EDIL3: variants seen among roughly 807,000 people sequenced by gnomAD.
The protein encoded by EDIL3 is EGF like and discoidin domains 3.
A neutral mutation model predicts 67.4 loss-of-function variants in EDIL3; 37 were observed. The observed-to-expected ratio is 0.55, with a 90% CI of 0.42 to 0.72. The LOEUF is 0.72. Among genes scored for constraint, EDIL3 ranks in the 30% least tolerant of loss-of-function variants. EDIL3 has a pLI of 0.00. For synonymous variants in EDIL3, 195 were observed against 196.3 expected (o/e 0.99, Z 0.05); for missense variants, 527 against 586.3 (o/e 0.90, Z 1.04).
chr5:84,366,520 T>A (rs904349657), intron 1 of EDIL3, among the ~76,000 whole-genome samples: 16 of 152,232 alleles, frequency 1.1e-4, no homozygotes, highest in African/African-American at 3.6e-4. Context: ...ATTTCTGTGA[T>A]CTGTTTTGTA....
intron 1 of EDIL3, among the ~76,000 whole-genome samples, chr5:84,315,517 T>C (rs1746491781): frequency 6.6e-6 from 1 of 152,166 alleles, no homozygotes; most frequent in South Asian, 2.1e-4. Flanking sequence ...TAACACCTCA[T>C]TGATTTTAGC....
chr5:84,020,461 A>G (rs950463208), intron 9 of EDIL3, among the ~76,000 whole-genome samples: 28 of 152,090 alleles, frequency 1.8e-4, no homozygotes, highest in African/African-American at 6.8e-4. Flanking sequence ...AGAGAGGGTT[A>G]CATTCAGATT....
intron 10 of EDIL3, among the ~76,000 whole-genome samples, chr5:83,949,905 T>G (rs1461740064): frequency 6.6e-6 from 1 of 151,844 alleles, no homozygotes; most frequent in Non-Finnish European, 1.5e-5. Flanking sequence ...AGATAGCCTA[T>G]GCTAACATTG....
chr5:84,382,346 GC>G (rs1234888983), intron 1 of EDIL3, among the ~76,000 whole-genome samples: 2 of 152,190 alleles, frequency 1.3e-5, no homozygotes, highest in African/African-American at 4.8e-5. Context: ...AGGAGACAGA[GC>G]TCCTGGCTGC....
chr5:84,346,501 TA>T (rs1227957826), intron 1 of EDIL3, among the ~76,000 whole-genome samples: 2 of 152,214 alleles, frequency 1.3e-5, no homozygotes, highest in East Asian at 1.9e-4. Flanking sequence ...CTTGTCAATT[TA>T]ATTTTTATTA....
rs74457737 is a variant in EDIL3 at position 84,044,293 on chromosome 5, C to A, written c.1137+16007G>T. Among the ~76,000 whole-genome samples, 88 of 152,218 alleles carry A rather than the reference C, an allele frequency of 5.8e-4. 1 individual carries two copies. Among genetic ancestry groups the A allele is most frequent in the African/African-American group, 1.8e-3 (74 of 41,538 alleles). On this transcript the variant is annotated intron_variant, in intron 9 of 10. Coordinates refer to ENST00000296591, the MANE Select transcript of EDIL3 (RefSeq NM_005711.5). ...TTAAACAACTCCCTTTCCTACAGGA[C>A]TCTTAAGAGTCTTTACTATGTTAAT... is the stretch of plus-strand genomic sequence containing the variant.
intron 9 of EDIL3, among the ~76,000 whole-genome samples, chr5:83,986,418 T>C (rs181289377): frequency 6.6e-6 from 1 of 152,268 alleles, no homozygotes; most frequent in East Asian, 1.9e-4. Flanking sequence ...TGAACTTCAG[T>C]TCTAAAATGA....
chr5:83,970,221 T>C (rs1177477016), intron 9 of EDIL3, among the ~76,000 whole-genome samples: 1 of 147,804 alleles, frequency 6.8e-6, no homozygotes, highest in Non-Finnish European at 1.5e-5. Flanking sequence ...AAGTGGCATT[T>C]AATTTATATT....
chr5:84,326,753 T>A (rs1208827585), intron 1 of EDIL3, among the ~76,000 whole-genome samples: 1 of 152,000 alleles, frequency 6.6e-6, no homozygotes, highest in East Asian at 1.9e-4. Context: ...CTTTCATCAT[T>A]TCTATACACT....
intron 5 of EDIL3, among the ~76,000 whole-genome samples, chr5:84,132,258 A>G (rs562660625): frequency 8.3e-6 from 1 of 120,852 alleles, no homozygotes; most frequent in African/African-American, 3.2e-5. Flanking sequence ...GAAAAAATAT[A>G]TATATAATAT....
rs768305215 is a variant in EDIL3 at position 83,942,952 on chromosome 5, GA to G, written c.*466del. On this transcript the variant is annotated 3_prime_UTR_variant, in exon 11 of 11. Coordinates refer to ENST00000296591, the MANE Select transcript of EDIL3 (RefSeq NM_005711.5). ...ATTGACAGTGTTTGGTAGGCACAGG[GA>G]AACAGGATAACGTAGAGTCATTACA... is the stretch of plus-strand genomic sequence containing the variant. 1.8e-4 allele frequency: 28 copies of G among 159,872 alleles called. No individual in the cohort carries two copies. Among genetic ancestry groups the G allele is most frequent in the Non-Finnish European group, 3.3e-4 (24 of 72,186 alleles). The allele number at this position is 159,872 out of a possible 1,614,324, so 9.9% of individuals were successfully genotyped here. A position where few individuals can be genotyped will look rare whatever the true frequency, so the allele number is the denominator to read the frequency against.
chr5:83,967,184 G>T (rs1245881438), intron 9 of EDIL3, among the ~76,000 whole-genome samples: 2 of 152,036 alleles, frequency 1.3e-5, no homozygotes, highest in Non-Finnish European at 2.9e-5. Flanking sequence ...AGCTGGGTGT[G>T]GTGGCATACA....
chr5:84,318,208 A>G (rs185002750), intron 1 of EDIL3, among the ~76,000 whole-genome samples: 1 of 152,346 alleles, frequency 6.6e-6, no homozygotes, highest in African/African-American at 2.4e-5. Flanking sequence ...GGAAGAATCA[A>G]TATCATGAAA....
At chr5:84,315,840 G>A (rs192989760) in intron 1 of EDIL3, among the ~76,000 whole-genome samples, 20 of 152,218 alleles carry the variant, frequency 1.3e-4, no homozygotes, top group Middle Eastern at 3.4e-3. Context: ...GAAGGAAAAA[G>A]TGCTAAGGGC....
chr5:84,252,126 G>A (rs1020859576), intron 2 of EDIL3, among the ~76,000 whole-genome samples: 3 of 152,136 alleles, frequency 2.0e-5, no homozygotes, highest in Non-Finnish European at 2.9e-5. Context: ...CATAGTATCA[G>A]TCTTCAGATA....
At chr5:84,303,593 G>A (rs1469663932) in intron 1 of EDIL3, among the ~76,000 whole-genome samples, 1 of 152,018 alleles carries the variant, frequency 6.6e-6, no homozygotes, top group Non-Finnish European at 1.5e-5. Context: ...GAGATTAAAG[G>A]CAATGTGGGC....
Position 84,009,084 on chromosome 5 carries a change from T to A in EDIL3, c.1138-45724A>T, listed in dbSNP as rs7713220. The stretch of plus-strand genomic sequence containing the variant: ...GCCTCAGCCTCCCAAAGTGCTGGGA[T>A]TACAGGCGTGAGCCACCGCACATGG... On this transcript the variant is annotated intron_variant, in intron 9 of 10. Transcript: ENST00000296591. Among the ~76,000 whole-genome samples the A allele has an allele frequency of 4.9e-3, 748 of 152,332 alleles. 5 individuals carry two copies. Among genetic ancestry groups the A allele is most frequent in the African/African-American group, 0.017 (698 of 41,574 alleles).
At chr5:84,324,209 C>T (rs1256451356) in intron 1 of EDIL3, among the ~76,000 whole-genome samples, 1 of 151,780 alleles carries the variant, frequency 6.6e-6, no homozygotes, top group Admixed American at 6.6e-5. Context: ...AGAGATAATA[C>T]AACCTGTCTT....
chr5:84,146,486 T>TC (rs971066277), intron 4 of EDIL3, among the ~76,000 whole-genome samples: 1 of 152,158 alleles, frequency 6.6e-6, no homozygotes, highest in African/African-American at 2.4e-5. Context: ...TAACACATAG[T>TC]CCTTGTTCTC....
Sources: allele counts gnomAD v4.1 joint callset (sites outside exome capture counted in the v4.1 genomes callset), GRCh38; gene constraint gnomAD v4.1.1; transcripts MANE v1.5; gene names NCBI Gene and HGNC (gene_info 2026-07-23, HGNC 2026-07-21).